The following EIF3L variants were observed in gnomAD, a reference collection of about 807,000 sequenced individuals.
EIF3L encodes eIEF associated protein HSPC021.
In EIF3L, 32 loss-of-function variants were observed where a neutral mutation model predicts 74.6. The observed-to-expected ratio is 0.43, with a 90% confidence interval of 0.32 to 0.58. The LOEUF (loss-of-function observed/expected upper bound fraction) is 0.58, where lower values mean the gene tolerates loss of function less well. EIF3L is among the 20% of genes least tolerant of loss of function. EIF3L has a pLI of 0.06. For synonymous variants in EIF3L, 256 were observed against 254.4 expected (o/e 1.01, Z -0.06); for missense variants, 474 against 707.8 (o/e 0.67, Z 3.75).
intron 1 of EIF3L, 52 bp downstream of exon 1, chr22:37,849,534 A>G: frequency 6.5e-7 from 1 of 1,540,320 alleles, no homozygotes. Context: ...GATCTCTGGG[A>G]CCACTGGATG....
chr22:37,876,171 C>A (rs1301176335), intron 10 of EIF3L, 160 bp downstream of exon 10: 5 of 725,822 alleles, frequency 6.9e-6, no homozygotes, highest in Non-Finnish European at 1.1e-5. Flanking sequence ...TAATAGATCA[C>A]CCAGCTGGAG....
At chr22:37,862,797 G>A (rs943385115) in intron 5 of EIF3L, among the ~76,000 whole-genome samples, 172 bp from the exon 6 acceptor site, 2 of 152,142 alleles carry the variant, frequency 1.3e-5, no homozygotes, top group Admixed American at 6.6e-5. Context: ...TATTCAGTGC[G>A]TCAGCTGCTA....
chr22:37,874,320 C>T (rs1926630872), intron 8 of EIF3L, 50 bp from the exon 9 acceptor site: 1 of 1,579,900 alleles, frequency 6.3e-7, no homozygotes, highest in Admixed American at 1.7e-5. Context: ...GTCAGGTGTG[C>T]CTGCCTTTAC....
In EIF3L at chr22:37,865,426, C is replaced by G. The variant is rs541106050; in HGVS notation, c.579+2081C>G. The stretch of plus-strand genomic sequence containing the variant: ...AGTGAGCCAAAATCGTGCCACTGCA[C>G]TCCAGCCTGGCGACAGAGTGAGACT... On this transcript the variant is annotated intron_variant, in intron 7 of 12. Transcript: ENST00000652021. Among the ~76,000 whole-genome samples the G allele has an allele frequency of 4.6e-4, 70 of 151,972 alleles. No homozygotes were observed. In the South Asian group the frequency reaches 0.012, roughly 27 times the overall value.
intron 11 of EIF3L, chr22:37,884,117 GTC>G (rs1255990172): frequency 6.6e-6 from 1 of 152,058 alleles, no homozygotes; most frequent in Non-Finnish European, 1.5e-5. Flanking sequence ...ATCTGCTTTG[GTC>G]TCTCTGCATT....
Position 37,874,500 on chromosome 22 carries a change from G to A in EIF3L, c.882G>A (p.Leu294=). The A allele has an allele frequency of 6.2e-7, 1 of 1,614,130 alleles. No homozygotes were observed. Among genetic ancestry groups the A allele is most frequent in the Admixed American group, 1.7e-5 (1 of 60,002 alleles). The change falls in exon 9 of 13, where the codon CTG becomes CTA. Residue 294 remains leucine (L), a synonymous_variant. Transcript: ENST00000652021. ...ATTACTACCAGGCCATCAAGGTGCT[G>A]GAGAACATCGAACTGAACAAGAAGG... The part of the protein sequence containing the change: ...LGDYYQAIKV[L]ENIELNKKSM...
chr22:37,854,648 G>T (rs1015629537), intron 3 of EIF3L, among the ~76,000 whole-genome samples: 7 of 152,104 alleles, frequency 4.6e-5, no homozygotes, highest in African/African-American at 1.7e-4. Context: ...TGTATTTTTA[G>T]TGGAGACGGG....
At chr22:37,884,682 T>C (rs1927227007) in intron 11 of EIF3L, 1 of 152,092 alleles carries the variant, frequency 6.6e-6, no homozygotes, top group Non-Finnish European at 1.5e-5. Flanking sequence ...CGTGTACTTG[T>C]AGTCCCAGCT....
intron 9 of EIF3L, 118 bp downstream of exon 9, chr22:37,874,642 A>G (rs1926649890): frequency 2.4e-6 from 3 of 1,249,592 alleles, no homozygotes; most frequent in Non-Finnish European, 3.2e-6. Flanking sequence ...CCCTCAGGCC[A>G]TTGAAAGTTG....
chr22:37,878,506 C>G (rs1926876459), intron 11 of EIF3L: 1 of 182,012 alleles, frequency 5.5e-6, no homozygotes, highest in South Asian at 1.3e-4. Flanking sequence ...TCTCGTTGCC[C>G]AGGCTAGAAT....
At position 37,850,003 on chromosome 22, in the gene EIF3L, C is replaced by CT. The variant is rs1468834485; in HGVS notation, c.34-9dup. On this transcript the variant is annotated splice_polypyrimidine_tract_variant and intron_variant, in intron 1 of 12. Transcript: ENST00000652021. The stretch of plus-strand genomic sequence containing the variant: ...TTGGCGGCTGTCCTTGACTGTGTCT[C>CT]TTTCCTTCTAGGCGGCTTATGACCC... 3.1e-6 allele frequency: 5 copies of CT among 1,613,698 alleles called. No individual in the cohort carries two copies. The East Asian group carries it at 1.1e-4, about 36-fold the overall frequency.
intron 5 of EIF3L, 67 bp from the exon 6 acceptor site, chr22:37,862,902 G>A (rs1925935381): frequency 4.2e-6 from 5 of 1,198,082 alleles, no homozygotes; most frequent in South Asian, 2.6e-5. Flanking sequence ...AGCTGTCACA[G>A]TATACCATGG....
intron 4 of EIF3L, 191 bp from the exon 5 acceptor site, chr22:37,858,488 A>C: frequency 4.7e-6 from 3 of 638,500 alleles, no homozygotes; most frequent in Non-Finnish European, 8.3e-6. Context: ...TCTCATCGAC[A>C]GAGATTGAGG....
chr22:37,867,651 C>T (rs1926221300), intron 7 of EIF3L, among the ~76,000 whole-genome samples: 2 of 95,820 alleles, frequency 2.1e-5, no homozygotes, highest in African/African-American at 5.3e-5. Flanking sequence ...AGTGAGATTC[C>T]GTCTCAAAAA....
intron 5 of EIF3L, among the ~76,000 whole-genome samples, chr22:37,859,695 G>A (rs991524505): frequency 8.0e-5 from 12 of 149,730 alleles, no homozygotes; most frequent in Non-Finnish European, 1.0e-4. Context: ...AGTGCCTAAA[G>A]TTTCTTAAAA....
intron 5 of EIF3L, among the ~76,000 whole-genome samples, chr22:37,861,135 A>C (rs1294437931): frequency 6.6e-6 from 1 of 152,132 alleles, no homozygotes; most frequent in Non-Finnish European, 1.5e-5. Context: ...TAATGGTGTT[A>C]ATTGAGCATG....
At chr22:37,876,099 CA>C in intron 10 of EIF3L, 88 bp downstream of exon 10, 5 of 1,396,336 alleles carry the variant, frequency 3.6e-6, no homozygotes, top group Non-Finnish European at 3.9e-6. Flanking sequence ...AAACACCATC[CA>C]AAATATTGCA....
intron 3 of EIF3L, among the ~76,000 whole-genome samples, 168 bp from the exon 4 acceptor site, chr22:37,855,396 TG>T (rs1366270452): frequency 6.6e-6 from 1 of 152,142 alleles, no homozygotes; most frequent in African/African-American, 2.4e-5. Flanking sequence ...TGAGAAAGAT[TG>T]AAGTGTGGAG....
At chr22:37,883,261 A>G (rs1927147959) in intron 11 of EIF3L, 1 of 142,544 alleles carries the variant, frequency 7.0e-6, no homozygotes, top group South Asian at 2.2e-4. Context: ...GTGCCATTGC[A>G]CTCCAGCCTG....
Sources: gnomAD v4.1 joint callset for allele counts (sites outside exome capture counted in the v4.1 genomes callset) on GRCh38, gnomAD v4.1.1 for gene constraint, MANE v1.5 for transcripts, NCBI Gene and HGNC (gene_info 2026-07-23, HGNC 2026-07-21) for gene names.